SLC9A8: variants seen among roughly 807,000 people sequenced by gnomAD.
The protein encoded by SLC9A8 is solute carrier family 9 member A8.
SLC9A8 carries 48 observed loss-of-function variants against 66.6 expected under a neutral mutation model. That is an observed-to-expected ratio of 0.72 (90% confidence interval 0.57 to 0.92). The LOEUF (loss-of-function observed/expected upper bound fraction) is 0.92. SLC9A8 is among the 40% of genes least tolerant of loss of function. SLC9A8 has a pLI of 0.00. For synonymous variants in SLC9A8, 274 were observed against 282.6 expected, an observed-to-expected ratio of 0.97 and a Z score of 0.31; for missense variants, 599 against 747.3, an observed-to-expected ratio of 0.80 and a Z score of 2.31.
chr20:49,880,917 T>C lies in SLC9A8; in HGVS notation c.1159-7T>C. On this transcript the variant is annotated splice_region_variant and splice_polypyrimidine_tract_variant and intron_variant, in intron 12 of 15. Coordinates refer to ENST00000361573, the MANE Select transcript of SLC9A8 (RefSeq NM_015266.3). ...TCACCTAAGACTTAGTTTGTTGCTA[T>C]CAACAGGTGCTTGTACTATTTGGCA... 2 of 1,595,552 alleles carry C rather than the reference T, an allele frequency of 1.3e-6. No individual in the cohort carries two copies. The highest frequency in any genetic ancestry group is 8.6e-7 in the Non-Finnish European group (1 of 1,163,066).
chr20:49,854,573 T>C (rs1353019095), intron 7 of SLC9A8, among the ~76,000 whole-genome samples: 1 of 152,190 alleles, frequency 6.6e-6, no homozygotes, highest in East Asian at 1.9e-4. Context: ...TGTGGTATTG[T>C]CTGAATTTGC....
intron 4 of SLC9A8, among the ~76,000 whole-genome samples, chr20:49,841,052 C>A (rs1333466956): frequency 1.3e-5 from 2 of 151,990 alleles, no homozygotes; most frequent in Non-Finnish European, 2.9e-5. Context: ...TGCCTGTAAT[C>A]CCAGAATTTT....
intron 8 of SLC9A8, among the ~76,000 whole-genome samples, chr20:49,857,406 A>G (rs547482276): frequency 6.6e-5 from 10 of 152,358 alleles, no homozygotes; most frequent in Admixed American, 5.2e-4. Context: ...ACTAGATTTG[A>G]GGACTGAATA....
chr20:49,864,689 T>C, intron 9 of SLC9A8, 50 bp from the exon 10 acceptor site: 1 of 1,281,704 alleles, frequency 7.8e-7, no homozygotes, highest in Non-Finnish European at 1.1e-6. Flanking sequence ...CTTCTCCACA[T>C]CTCCCATCAA....
At chr20:49,813,894 G>C (rs576123309) in intron 1 of SLC9A8, among the ~76,000 whole-genome samples, 4 of 152,152 alleles carry the variant, frequency 2.6e-5, no homozygotes, top group Non-Finnish European at 5.9e-5. Flanking sequence ...GGAAGGACGG[G>C]CTGTGTCCTC....
At chr20:49,832,438 G>T (rs899138099) in intron 3 of SLC9A8, among the ~76,000 whole-genome samples, 3 of 152,164 alleles carry the variant, frequency 2.0e-5, no homozygotes, top group Non-Finnish European at 4.4e-5. Context: ...ACCAGAGGGC[G>T]CTTGGGATGT....
intron 10 of SLC9A8, among the ~76,000 whole-genome samples, chr20:49,865,590 G>T (rs150024148): frequency 1.7e-3 from 264 of 152,238 alleles, no homozygotes; most frequent in Non-Finnish European, 3.0e-3. Context: ...CTCTGATGCG[G>T]CCCTAGAAGA....
At chr20:49,855,862 C>T (rs1412420315) in intron 8 of SLC9A8, among the ~76,000 whole-genome samples, 2 of 152,164 alleles carry the variant, frequency 1.3e-5, no homozygotes, top group African/African-American at 4.8e-5. Context: ...TCCATCACAG[C>T]TCACTGCAGC....
At chr20:49,826,423 A>G (rs1188710568) in intron 3 of SLC9A8, among the ~76,000 whole-genome samples, 2 of 152,100 alleles carry the variant, frequency 1.3e-5, no homozygotes, top group Non-Finnish European at 2.9e-5. Flanking sequence ...TCAGGGATAA[A>G]TTTTCCTCTC....
intron 9 of SLC9A8, 26 bp from the exon 10 acceptor site, chr20:49,864,713 C>T: frequency 1.3e-6 from 2 of 1,557,910 alleles, no homozygotes; most frequent in Non-Finnish European, 1.8e-6. Flanking sequence ...TCCCTCGATT[C>T]TCCTTCCTTG....
intron 10 of SLC9A8, among the ~76,000 whole-genome samples, chr20:49,872,645 C>G (rs2089258965): frequency 6.6e-6 from 1 of 152,100 alleles, no homozygotes; most frequent in Non-Finnish European, 1.5e-5. Context: ...GCCACCATGC[C>G]CAGCTAATTT....
chr20:49,872,785 G>A (rs1385466944), intron 10 of SLC9A8, among the ~76,000 whole-genome samples: 2 of 152,082 alleles, frequency 1.3e-5, no homozygotes, highest in African/African-American at 2.4e-5. Context: ...GCGCCCGGCC[G>A]ATTTTCACCC....
rs559784425 is a variant in SLC9A8 at position 49,866,649 on chromosome 20, GAGTTTATAGCTTTCAT to G, written c.958+1806_958+1821del. Among the ~76,000 whole-genome samples the G allele has an allele frequency of 4.7e-3, 719 of 152,204 alleles. 8 individuals are homozygous for G. The highest frequency in any genetic ancestry group is 0.017 in the African/African-American group (695 of 41,530). ...AGTTTTTTGGGTTTATAGTTTATAT[GAGTTTATAGCTTTCAT>G]CAAATTTGGTAAGCTTTTGCCCATT... On this transcript the variant is annotated intron_variant, in intron 10 of 15. Transcript: ENST00000361573.
intron 14 of SLC9A8, 133 bp downstream of exon 14, chr20:49,884,199 GACACACACACACACACACAC>G (rs370760616): frequency 5.2e-5 from 15 of 288,692 alleles, no homozygotes; most frequent in Admixed American, 1.4e-4. Flanking sequence ...CCACACACAC[GACACACACACACACACACAC>G]ACACACACAC....
At position 49,812,958 on chromosome 20, in the gene SLC9A8, CT is replaced by C; in HGVS notation, c.26+15del. 5 of 1,418,326 alleles carry C rather than the reference CT, an allele frequency of 3.5e-6. No homozygotes were observed. Among genetic ancestry groups the C allele is most frequent in the Non-Finnish European group, 4.6e-6 (5 of 1,086,376 alleles). 87.9% of individuals were successfully genotyped at this position (1,418,326 alleles called of 1,614,324 possible). A position where few individuals can be genotyped will look rare whatever the true frequency, so the allele number is the denominator to read the frequency against. On this transcript the variant is annotated intron_variant, in intron 1 of 15. Coordinates refer to ENST00000361573, the MANE Select transcript of SLC9A8 (RefSeq NM_015266.3). ...AGATGGCGGAAGAGGAGTGAGTGGG[CT>C]TTTTCCCGGGCGGCGGAGGCGGCGG...
intron 10 of SLC9A8, among the ~76,000 whole-genome samples, chr20:49,869,443 T>C (rs2089111551): frequency 6.6e-6 from 1 of 151,686 alleles, no homozygotes; most frequent in Admixed American, 6.6e-5. Context: ...AGGCTGATCT[T>C]GAACTCCTGA....
chr20:49,850,179 C>T (rs570260906), intron 6 of SLC9A8, among the ~76,000 whole-genome samples: 15 of 152,332 alleles, frequency 9.8e-5, no homozygotes, highest in African/African-American at 3.4e-4. Flanking sequence ...GAATTATATA[C>T]TCTGGATTTT....
chr20:49,850,764 T>G (rs2088211176), intron 6 of SLC9A8, 46 bp from the exon 7 acceptor site: 9 of 1,402,900 alleles, frequency 6.4e-6, no homozygotes, highest in East Asian at 2.5e-5. Context: ...TTCTCCAGGG[T>G]TTTTTTTTTG....
At chr20:49,823,951 T>C (rs1332903432) in intron 3 of SLC9A8, among the ~76,000 whole-genome samples, 2 of 152,240 alleles carry the variant, frequency 1.3e-5, no homozygotes, top group African/African-American at 4.8e-5. Flanking sequence ...CATTGCCTGG[T>C]AGATCTTTAG....
Sources: allele counts gnomAD v4.1 joint callset (sites outside exome capture counted in the v4.1 genomes callset), GRCh38; gene constraint gnomAD v4.1.1; transcripts MANE v1.5; gene names NCBI Gene and HGNC (gene_info 2026-07-23, HGNC 2026-07-21).